The following PTPRD variants were observed in gnomAD, a reference collection of about 807,000 sequenced individuals.
PTPRD encodes receptor-type tyrosine-protein phosphatase delta.
Under a neutral mutation model 214.5 loss-of-function variants are expected in PTPRD, and 34 were observed. The observed-to-expected ratio is 0.16, with a 90% CI of 0.12 to 0.21. PTPRD has a LOEUF of 0.21. PTPRD is among the 10% of genes least tolerant of loss of function. PTPRD has a pLI of 1.00. For synonymous variants in PTPRD, 1,128 were observed against 845.7 expected, an observed-to-expected ratio of 1.33 and a Z score of -5.79; for missense variants, 2,545 against 2,398.7, an observed-to-expected ratio of 1.06 and a Z score of -1.27.
At chr9:8,472,752 T>C (rs951477734) in intron 30 of PTPRD, among the ~76,000 whole-genome samples, 7 of 152,342 alleles carry the variant, frequency 4.6e-5, no homozygotes, top group African/African-American at 1.7e-4. Flanking sequence ...TTTTATTTTT[T>C]CACTGTTGCT....
At position 8,321,652 on chromosome 9, in the gene PTPRD, A is replaced by G. The variant is rs143918358; in HGVS notation, c.5535-1686T>C. Among the ~76,000 whole-genome samples the G allele has an allele frequency of 3.4e-3, 518 of 151,550 alleles. 3 individuals are homozygous for G. The highest frequency in any genetic ancestry group is 0.012 in the African/African-American group (481 of 41,416). Reference sequence around the variant, plus strand: ...TGTACCTATACATATAAGGATGCCTAAAGTTAAGAAGATGTATTAAATTAA... The same window carrying G: ...TGTACCTATACATATAAGGATGCCTGAAGTTAAGAAGATGTATTAAATTAA... On this transcript the variant is annotated intron_variant, in intron 44 of 45. Coordinates refer to ENST00000381196, the MANE Select transcript of PTPRD (RefSeq NM_002839.4).
rs796366823 is a variant in PTPRD at position 8,440,766 on chromosome 9, T to G, written c.3989-4077A>C. On this transcript the variant is annotated intron_variant, in intron 34 of 45. Coordinates refer to ENST00000381196, the MANE Select transcript of PTPRD (RefSeq NM_002839.4). ...GAAAAAACAAGATGGCTCCCTTTAA[T>G]AGGGTACATATTGGTGAGACTGATG... 9.2e-5 allele frequency among the ~76,000 whole-genome samples: 14 copies of G among 152,286 alleles called. 1 individual carries two copies. The highest frequency in any genetic ancestry group is 3.4e-4 in the African/African-American group (14 of 41,570).
intron 12 of PTPRD, among the ~76,000 whole-genome samples, chr9:8,680,013 G>T (rs986192014): frequency 2.6e-5 from 4 of 152,110 alleles, no homozygotes; most frequent in Non-Finnish European, 5.9e-5. Context: ...ATCCAGTACA[G>T]TAACAAGGAG....
chr9:10,562,821 TGGAGACTTA>T (rs2064385710), intron 2 of PTPRD, among the ~76,000 whole-genome samples: 1 of 152,124 alleles, frequency 6.6e-6, no homozygotes, highest in Non-Finnish European at 1.5e-5. Flanking sequence ...ATAAGCACAT[TGGAGACTTA>T]GAGTCAAGAT....
chr9:8,672,172 T>C (rs1330763809), intron 12 of PTPRD, among the ~76,000 whole-genome samples: 1 of 152,200 alleles, frequency 6.6e-6, no homozygotes, highest in Non-Finnish European at 1.5e-5. Flanking sequence ...ACCTTTGATG[T>C]AACCTTCTTG....
chr9:9,993,140 T>C (rs1017002319), intron 4 of PTPRD, among the ~76,000 whole-genome samples: 6 of 152,152 alleles, frequency 3.9e-5, no homozygotes, highest in South Asian at 2.1e-4. Flanking sequence ...ATCACTAGTA[T>C]GAGTTGGCAA....
At chr9:9,070,989 C>T (rs1301475013) in intron 10 of PTPRD, among the ~76,000 whole-genome samples, 1 of 152,116 alleles carries the variant, frequency 6.6e-6, no homozygotes, top group Non-Finnish European at 1.5e-5. Flanking sequence ...CCCCAGCTCA[C>T]TGCAGCCTCG....
At chr9:9,011,461 G>C (rs2099511493) in intron 11 of PTPRD, among the ~76,000 whole-genome samples, 1 of 152,018 alleles carries the variant, frequency 6.6e-6, no homozygotes, top group Non-Finnish European at 1.5e-5. Flanking sequence ...GTTGTTATAG[G>C]CCAAACAATA....
rs534425747 is a variant in PTPRD at position 9,567,188 on chromosome 9, T to C, written c.-237+7544A>G. On this transcript the variant is annotated intron_variant, in intron 8 of 45. Transcript: ENST00000381196. ...AGGAATGAAGGAATAGCAGTACCTT[T>C]TCTGTCAGTCAAAGGTGTGTGAGTG... Among the ~76,000 whole-genome samples the C allele has an allele frequency of 9.9e-5, 15 of 152,094 alleles. No homozygotes were observed. The East Asian group carries it at 2.9e-3, about 29-fold the overall frequency.
chr9:10,169,556 AT>A (rs1393676007), intron 3 of PTPRD, among the ~76,000 whole-genome samples: 1 of 151,932 alleles, frequency 6.6e-6, no homozygotes, highest in Non-Finnish European at 1.5e-5. Flanking sequence ...CCTTCCACAA[AT>A]AACAATTCTA....
intron 3 of PTPRD, among the ~76,000 whole-genome samples, chr9:10,268,337 G>A (rs1187458483): frequency 6.8e-6 from 1 of 146,782 alleles, no homozygotes; most frequent in African/African-American, 2.5e-5. Flanking sequence ...AATAATAATA[G>A]TGGTTATAAC....
At chr9:8,890,864 C>T (rs1241549043) in intron 11 of PTPRD, among the ~76,000 whole-genome samples, 5 of 152,038 alleles carry the variant, frequency 3.3e-5, no homozygotes, top group Non-Finnish European at 7.4e-5. Flanking sequence ...AAAATGAGGG[C>T]GTGAGAAGGC....
intron 4 of PTPRD, among the ~76,000 whole-genome samples, chr9:10,029,519 T>C (rs916682438): frequency 2.6e-5 from 4 of 152,182 alleles, no homozygotes; most frequent in African/African-American, 9.7e-5. Flanking sequence ...ATGTGAGACA[T>C]GGAGTCAAAG....
intron 2 of PTPRD, among the ~76,000 whole-genome samples, chr9:10,482,502 A>C (rs1335225263): frequency 2.9e-5 from 1 of 34,650 alleles, no homozygotes; most frequent in Non-Finnish European, 6.6e-5. Flanking sequence ...TGCCAATGAT[A>C]TGATCTTATC....
At chr9:8,495,840 T>C (rs1201460314) in intron 26 of PTPRD, among the ~76,000 whole-genome samples, 3 of 152,198 alleles carry the variant, frequency 2.0e-5, no homozygotes, top group Non-Finnish European at 4.4e-5. Context: ...CCATGTGCAT[T>C]GGCAGTAAAT....
chr9:10,419,002 C>A (rs1372685543), intron 2 of PTPRD, among the ~76,000 whole-genome samples: 1 of 151,800 alleles, frequency 6.6e-6, no homozygotes, highest in Admixed American at 6.6e-5. Context: ...TTACACTGGG[C>A]AATTTAGGAC....
At position 8,730,112 on chromosome 9, in the gene PTPRD, C is replaced by T. The variant is rs374833521; in HGVS notation, c.64+3668G>A. On this transcript the variant is annotated intron_variant, in intron 12 of 45. Transcript: ENST00000381196. ...TCTACTAAATATACAGAAAATTAGC[C>T]GGGCGAGGTGGCGGGCACCTGTAGT... Among the ~76,000 whole-genome samples the T allele has an allele frequency of 9.2e-5, 14 of 152,102 alleles. No homozygotes were observed. In the South Asian group the frequency reaches 1.9e-3, roughly 20 times the overall value.
Position 8,835,803 on chromosome 9 carries a change from G to A in PTPRD, c.-103-101857C>T, listed in dbSNP as rs184021983. On this transcript the variant is annotated intron_variant, in intron 11 of 45. Transcript: ENST00000381196. ...TCCTCCCTCCTCAGACTCCCAAAGT[G>A]CTGGGACCATAGGCATGAGCCACTT... 1.1e-3 allele frequency among the ~76,000 whole-genome samples: 163 copies of A among 152,300 alleles called. 1 individual carries two copies. The highest frequency in any genetic ancestry group is 3.6e-3 in the African/African-American group (151 of 41,572).
chr9:10,373,503 T>C (rs1335840518), intron 2 of PTPRD, among the ~76,000 whole-genome samples: 1 of 152,094 alleles, frequency 6.6e-6, no homozygotes, highest in Non-Finnish European at 1.5e-5. Flanking sequence ...TGAAACAGCA[T>C]ACAAGTGTTT....
Sources: gnomAD v4.1 joint callset for allele counts (sites outside exome capture counted in the v4.1 genomes callset) on GRCh38, gnomAD v4.1.1 for gene constraint, MANE v1.5 for transcripts, NCBI Gene and HGNC (gene_info 2026-07-23, HGNC 2026-07-21) for gene names.